The following AFF3 variants were observed in gnomAD, a reference collection of about 807,000 sequenced individuals.
AFF3 encodes ALF transcription elongation factor 3.
A neutral mutation model predicts 129.7 loss-of-function variants in AFF3; 32 were observed. The ratio of observed to expected loss-of-function variants is 0.25; its 90% CI spans 0.19 to 0.33. The LOEUF is 0.33. Among genes scored for constraint, AFF3 ranks in the 10% least tolerant of loss-of-function variants. The probability of loss-of-function intolerance (pLI) is 1.00; values close to 1 mark genes in which losing one functional copy is unlikely to be tolerated. For missense variants in AFF3, 1,373 were observed against 1,592.0 expected, an observed-to-expected ratio of 0.86 and a Z score of 2.34; for synonymous variants, 644 against 635.4, an observed-to-expected ratio of 1.01 and a Z score of -0.20.
At chr2:100,081,934 G>A (rs1218960776) in intron 4 of AFF3, among the ~76,000 whole-genome samples, 1 of 152,196 alleles carries the variant, frequency 6.6e-6, no homozygotes, top group Non-Finnish European at 1.5e-5. Flanking sequence ...AGCCTCTGTA[G>A]AGGAATTATG....
chr2:99,854,704 G>A (rs2105886994), intron 7 of AFF3, among the ~76,000 whole-genome samples: 1 of 152,272 alleles, frequency 6.6e-6, no homozygotes, highest in Non-Finnish European at 1.5e-5. Flanking sequence ...TGTAGGTAGA[G>A]CTTGGCCTCT....
At chr2:99,785,081 T>C (rs1209086370) in intron 8 of AFF3, among the ~76,000 whole-genome samples, 1 of 152,218 alleles carries the variant, frequency 6.6e-6, no homozygotes, top group Non-Finnish European at 1.5e-5. Context: ...TCCTCATTTA[T>C]ATCCCTGCTT....
At chr2:100,107,400 C>A (rs926688531) in intron 2 of AFF3, 38 of 984,510 alleles carry the variant, frequency 3.9e-5, no homozygotes, top group Middle Eastern at 5.2e-4. Flanking sequence ...TAATACAAAG[C>A]AAAAAAAGGG....
In AFF3 at chr2:99,550,181, A is replaced by C; in HGVS notation, c.*1293T>G. The C allele has an allele frequency of 4.3e-6, 1 of 229,980 alleles. No individual in the cohort carries two copies. The highest frequency in any genetic ancestry group is 8.6e-6 in the Non-Finnish European group (1 of 116,044). The allele number at this position is 229,980 out of a possible 1,614,324, so 14.2% of individuals were successfully genotyped here. A position where few individuals can be genotyped will look rare whatever the true frequency, so the allele number is the denominator to read the frequency against. ...AAGATGTCAAAGAAACTAAAATGTA[A>C]ACTTAATTAAAAAAAGAAAACAAGA... On this transcript the variant is annotated 3_prime_UTR_variant, in exon 25 of 25. Coordinates refer to ENST00000672756, the MANE Select transcript of AFF3 (RefSeq NM_001386135.1).
At chr2:99,602,636 T>C (rs1651447374) in intron 13 of AFF3, among the ~76,000 whole-genome samples, 1 of 152,188 alleles carries the variant, frequency 6.6e-6, no homozygotes, top group Admixed American at 6.5e-5. Context: ...ATACCAAAAA[T>C]GCCGGTCACT....
At chr2:99,839,604 T>A (rs1689159942) in intron 7 of AFF3, among the ~76,000 whole-genome samples, 1 of 150,664 alleles carries the variant, frequency 6.6e-6, no homozygotes, top group African/African-American at 2.4e-5. Context: ...CATTTTCTTT[T>A]TTTTCTTTCT....
chr2:99,805,686 T>A (rs766930160), intron 8 of AFF3, among the ~76,000 whole-genome samples: 4 of 152,164 alleles, frequency 2.6e-5, no homozygotes, highest in Non-Finnish European at 5.9e-5. Flanking sequence ...TCTATACATA[T>A]TTAATCATTA....
At chr2:99,964,002 G>T (rs2104355688) in intron 7 of AFF3, among the ~76,000 whole-genome samples, 1 of 152,022 alleles carries the variant, frequency 6.6e-6, no homozygotes, top group Admixed American at 6.5e-5. Context: ...AAACTTAAGA[G>T]CAAAGTAAAA....
At chr2:99,611,542 G>A (rs1238330757) in intron 13 of AFF3, among the ~76,000 whole-genome samples, 1 of 152,122 alleles carries the variant, frequency 6.6e-6, no homozygotes, top group Non-Finnish European at 1.5e-5. Context: ...CTGATGGAGA[G>A]GGGGCCACAG....
At position 99,601,453 on chromosome 2, in the gene AFF3, G is replaced by A; in HGVS notation, c.1353C>T (p.Pro451=). The stretch of plus-strand genomic sequence containing the variant: ...CGCTTACCTCGGGGCTGGAGAAGTG[G>A]GGGGGCTTGCTGCCCTCACTCTCGC... ...SSSESEGSKP[P]HFSSPEAEPA... Residue 451 remains proline, a synonymous_variant, in exon 14 of 25, where the codon CCC becomes CCT. Transcript: ENST00000672756. The A allele has an allele frequency of 3.1e-6, 5 of 1,607,926 alleles. No individual in the cohort carries two copies. Among genetic ancestry groups the A allele is most frequent in the Non-Finnish European group, 4.2e-6 (5 of 1,176,600 alleles).
intron 4 of AFF3, among the ~76,000 whole-genome samples, chr2:100,033,423 G>A (rs6736637): frequency 0.14 from 20,892 of 152,224 alleles, 1,681 homozygotes; most frequent in South Asian, 0.2. Context: ...TGTGGGATAC[G>A]TGAATCGTTA....
chr2:99,992,135 G>A (rs1425638647), intron 7 of AFF3, among the ~76,000 whole-genome samples: 1 of 151,810 alleles, frequency 6.6e-6, no homozygotes. Context: ...TTAAAAAGTA[G>A]GCATCCTTTA....
chr2:99,964,770 C>A (rs1266338991), intron 7 of AFF3, among the ~76,000 whole-genome samples: 1 of 152,128 alleles, frequency 6.6e-6, no homozygotes, highest in Non-Finnish European at 1.5e-5. Flanking sequence ...ATTCCTAGGA[C>A]ACAAGGGCAA....
At chr2:100,055,969 C>G (rs1440315388) in intron 4 of AFF3, among the ~76,000 whole-genome samples, 1 of 150,244 alleles carries the variant, frequency 6.7e-6, no homozygotes, top group Admixed American at 6.7e-5. Flanking sequence ...GCCAGGAGAT[C>G]AAGGTTACAA....
intron 8 of AFF3, among the ~76,000 whole-genome samples, chr2:99,788,070 C>G (rs967783444): frequency 2.6e-5 from 4 of 152,178 alleles, no homozygotes; most frequent in Admixed American, 6.5e-5. Context: ...TGTGGTGATG[C>G]TGGCGTAAAT....
At chr2:99,626,772 T>C (rs1015749510) in intron 13 of AFF3, among the ~76,000 whole-genome samples, 2 of 152,206 alleles carry the variant, frequency 1.3e-5, no homozygotes, top group Admixed American at 1.3e-4. Context: ...TGTTCTCCTC[T>C]ATGTGTCCAT....
intron 4 of AFF3, among the ~76,000 whole-genome samples, chr2:100,104,125 G>C (rs1425748378): frequency 6.6e-6 from 1 of 152,048 alleles, no homozygotes; most frequent in African/African-American, 2.4e-5. Flanking sequence ...TCCTCCCCAC[G>C]GCTGCGCTCT....
Position 99,546,248 on chromosome 2 carries a change from C to T in AFF3, c.*5226G>A, listed in dbSNP as rs1415753217. ...TACAGAAGAGAACGTTCTTGAAAGA[C>T]TGCTGGGTGTTTCTTAGCACAAACC... On this transcript the variant is annotated 3_prime_UTR_variant, in exon 25 of 25. Transcript: ENST00000672756. 2 of 232,370 alleles carry T rather than the reference C, an allele frequency of 8.6e-6. No homozygotes were observed. The highest frequency in any genetic ancestry group is 1.7e-5 in the Non-Finnish European group (2 of 117,560). 14.4% of individuals were successfully genotyped at this position (232,370 alleles called of 1,614,324 possible). A position where few individuals can be genotyped will look rare whatever the true frequency, so the allele number is the denominator to read the frequency against.
chr2:99,982,369 T>C (rs988260365), intron 7 of AFF3, among the ~76,000 whole-genome samples: 1 of 152,178 alleles, frequency 6.6e-6, no homozygotes, highest in African/African-American at 2.4e-5. Flanking sequence ...CCACGTAAGA[T>C]GTGACTTGCT....
Sources: allele counts gnomAD v4.1 joint callset (sites outside exome capture counted in the v4.1 genomes callset), GRCh38; gene constraint gnomAD v4.1.1; transcripts MANE v1.5; gene names NCBI Gene and HGNC (gene_info 2026-07-23, HGNC 2026-07-21).